Variants in PSEN2 observed in about 807,000 individuals in gnomAD.
The protein encoded by PSEN2 is presenilin-2.
Under a neutral mutation model 49.1 loss-of-function variants are expected in PSEN2, and 32 were observed. The ratio of observed to expected loss-of-function variants is 0.65; its 90% CI spans 0.49 to 0.88. The LOEUF is 0.88. Among genes scored for constraint, PSEN2 ranks in the 40% least tolerant of loss-of-function variants. The pLI is 0.00. For missense variants in PSEN2, 522 were observed against 586.9 expected (o/e 0.89, Z 1.14); for synonymous variants, 255 against 244.0 (o/e 1.05, Z -0.42).
downstream of PSEN2, among the ~76,000 whole-genome samples, chr1:226,900,025 G>A (rs143755478): frequency 3.5e-3 from 529 of 152,254 alleles, 3 homozygotes; most frequent in African/African-American, 0.012. Context: ...TAAGGGATAC[G>A]TGGTTATGGC....
Position 226,883,855 on chromosome 1 carries a change from T to A in PSEN2, c.292T>A (p.Cys98Ser). 1 of 1,613,632 alleles carries A rather than the reference T, an allele frequency of 6.2e-7. No individual in the cohort carries two copies. Among genetic ancestry groups the A allele is most frequent in the Non-Finnish European group, 8.5e-7 (1 of 1,179,952 alleles). Residue 98 changes from cysteine to serine, a missense_variant, in exon 5 of 13, where the codon TGC (cysteine) becomes AGC (serine). Physicochemically the swap from Cys to Ser is moderately radical, Grantham distance 112 (BLOSUM62 -1). Coordinates refer to ENST00000366783, the MANE Select transcript of PSEN2 (RefSeq NM_000447.3). ...VIMLFVPVTL[C>S]MIVVVATIKS... ...CATGCTGTTTGTGCCTGTCACTCTG[T>A]GCATGATCGTGGTGGTAGCCACCAT...
intron 3 of PSEN2, among the ~76,000 whole-genome samples, chr1:226,876,774 A>G (rs549190861): frequency 2.0e-5 from 3 of 152,334 alleles, no homozygotes; most frequent in Admixed American, 1.3e-4. Context: ...CACAGTCTCC[A>G]TGAAGTAGCA....
chr1:226,885,502 G>A (rs758966634), intron 5 of PSEN2, 36 bp from the exon 6 acceptor site: 34 of 1,611,144 alleles, frequency 2.1e-5, no homozygotes, highest in Non-Finnish European at 2.7e-5. Context: ...GGAGCAGTCA[G>A]GGCCGGGAGC....
chr1:226,883,856 G>A lies in PSEN2; in HGVS notation c.293G>A (p.Cys98Tyr), dbSNP rs780738564. 1 of 1,614,040 alleles carries A rather than the reference G, an allele frequency of 6.2e-7. No individual in the cohort carries two copies. The highest frequency in any genetic ancestry group is 8.5e-7 in the Non-Finnish European group (1 of 1,180,016). ...ATGCTGTTTGTGCCTGTCACTCTGT[G>A]CATGATCGTGGTGGTAGCCACCATC... ...VIMLFVPVTL[C>Y]MIVVVATIKS... Residue 98 changes from cysteine (C) to tyrosine (Y), a missense_variant, in exon 5 of 13, where the codon TGC becomes TAC. Coordinates refer to ENST00000366783, the MANE Select transcript of PSEN2 (RefSeq NM_000447.3).
chr1:226,880,464 C>T (rs1483340167), intron 3 of PSEN2: 2 of 1,431,040 alleles, frequency 1.4e-6, no homozygotes, highest in South Asian at 1.4e-5. Context: ...GCTATCCCTG[C>T]CCAGGGTGTG....
downstream of PSEN2, chr1:226,898,744 G>T (rs1369693329): frequency 1.3e-5 from 2 of 152,236 alleles, no homozygotes; most frequent in Non-Finnish European, 2.9e-5. Flanking sequence ...CTCCTGAGTA[G>T]CTGGGATTAC....
At chr1:226,892,041 G>A (rs773231811) in intron 11 of PSEN2, among the ~76,000 whole-genome samples, 197 bp downstream of exon 11, 11 of 152,236 alleles carry the variant, frequency 7.2e-5, no homozygotes, top group Non-Finnish European at 1.5e-4. Context: ...TGTCCGGCAT[G>A]TATTGAGTAT....
Position 226,885,518 on chromosome 1 carries a change from C to G in PSEN2, c.357-20C>G. The G allele has an allele frequency of 6.2e-7, 1 of 1,613,132 alleles. No homozygotes were observed. On this transcript the variant is annotated intron_variant, in intron 5 of 12. Transcript: ENST00000366783. ...GAGCAGTCAGGGCCGGGAGCATCAG[C>G]CCTTTGCCTTCTCCCTCAGCATCTA...
chr1:226,900,724 T>A (rs1283412911), downstream of PSEN2, among the ~76,000 whole-genome samples: 1 of 152,122 alleles, frequency 6.6e-6, no homozygotes, highest in African/African-American at 2.4e-5. Flanking sequence ...GAGATACTTG[T>A]CAGTACATGT....
Position 226,894,083 on chromosome 1 carries a change from G to A in PSEN2, c.1149G>A (p.Gly383=). Residue 383 remains glycine (G), a synonymous_variant, in exon 12 of 13, where the codon GGG becomes GGA. Transcript: ENST00000366783. The stretch of plus-strand genomic sequence containing the variant: ...GCAAGGCGGCTGCCACGGGCAGCGG[G>A]GACTGGAATACCACGCTGGCCTGCT... ...LVGKAAATGS[G]DWNTTLACFV... 1 of 1,614,200 alleles carries A rather than the reference G, an allele frequency of 6.2e-7. No individual in the cohort carries two copies. Among genetic ancestry groups the A allele is most frequent in the Non-Finnish European group, 8.5e-7 (1 of 1,180,026 alleles).
chr1:226,880,832 C>A, intron 3 of PSEN2: 1 of 1,553,804 alleles, frequency 6.4e-7, no homozygotes, highest in South Asian at 1.2e-5. Flanking sequence ...CCCTGGGTCC[C>A]GCCCTCAGTG....
At chr1:226,890,970 T>C in intron 9 of PSEN2, 2 of 436,850 alleles carry the variant, frequency 4.6e-6, no homozygotes, top group Non-Finnish European at 8.4e-6. Context: ...GGAAAGGTAG[T>C]GCCAGGACTG....
At chr1:226,873,884 A>T (rs1571933369) in intron 2 of PSEN2, among the ~76,000 whole-genome samples, 1 of 152,312 alleles carries the variant, frequency 6.6e-6, no homozygotes, top group African/African-American at 2.4e-5. Flanking sequence ...AGCAGATTTG[A>T]TGGCTGTGTA....
chr1:226,884,476 G>A (rs1382900010), intron 5 of PSEN2: 1 of 152,524 alleles, frequency 6.6e-6, no homozygotes, highest in Non-Finnish European at 1.5e-5. Flanking sequence ...AAAATGAGAA[G>A]CTTCCTCCAC....
intron 6 of PSEN2, among the ~76,000 whole-genome samples, chr1:226,887,295 C>G (rs1011479149): frequency 6.6e-6 from 1 of 152,128 alleles, no homozygotes; most frequent in Non-Finnish European, 1.5e-5. Flanking sequence ...AGCCCCTTCC[C>G]CTTTTGGCTG....
Position 226,890,051 on chromosome 1 carries a change from G to A in PSEN2, c.804G>A (p.Leu268=). ...TCTTCCTAGATCTCGTGGCTGTGCT[G>A]TGTCCCAAAGGGCCTCTGAGAATGC... ...AISVYDLVAV[L]CPKGPLRMLV... The change falls in exon 9 of 13, where the codon CTG becomes CTA. Residue 268 remains leucine (L), a synonymous_variant. Coordinates refer to ENST00000366783, the MANE Select transcript of PSEN2 (RefSeq NM_000447.3). 1.2e-6 allele frequency: 2 copies of A among 1,613,874 alleles called. No individual in the cohort carries two copies. The highest frequency in any genetic ancestry group is 1.7e-6 in the Non-Finnish European group (2 of 1,179,720).
At chr1:226,876,274 C>T (rs886103109) in intron 3 of PSEN2, among the ~76,000 whole-genome samples, 3 of 152,116 alleles carry the variant, frequency 2.0e-5, no homozygotes, top group African/African-American at 7.2e-5. Context: ...CAAAGCAGGC[C>T]CTCAGGAATT....
chr1:226,872,488 ATC>A lies in PSEN2; in HGVS notation c.-207+1088_-207+1089del, dbSNP rs1660365060. Among the ~76,000 whole-genome samples, 5 of 152,312 alleles carry A rather than the reference ATC, an allele frequency of 3.3e-5. No individual in the cohort carries two copies. The South Asian group carries it at 1.0e-3, about 32-fold the overall frequency. On this transcript the variant is annotated intron_variant, in intron 2 of 12. Transcript: ENST00000366783. ...GAACATAGCTGGCTACACTGTCTTTATCTCTTGAGTTTTTGCGCAGGAGGTTC... is the reference window on the plus strand; with the variant it reads ...GAACATAGCTGGCTACACTGTCTTTATCTTGAGTTTTTGCGCAGGAGGTTC...
intron 5 of PSEN2, 84 bp downstream of exon 5, chr1:226,884,003 CTG>C: frequency 8.4e-7 from 1 of 1,194,192 alleles, no homozygotes; most frequent in East Asian, 2.5e-5. Context: ...GTGTTGGTCA[CTG>C]TACCTGCAGC....
Sources: allele counts gnomAD v4.1 joint callset (sites outside exome capture counted in the v4.1 genomes callset), GRCh38; gene constraint gnomAD v4.1.1; transcripts MANE v1.5; gene names NCBI Gene and HGNC (gene_info 2026-07-23, HGNC 2026-07-21).